The following CUBN variants were observed in gnomAD, a reference collection of about 807,000 sequenced individuals.
CUBN encodes the protein cubilin, also known as 460 kDa receptor.
A neutral mutation model predicts 405.3 loss-of-function variants in CUBN; 282 were observed. The observed-to-expected ratio is 0.70, with a 90% confidence interval of 0.63 to 0.77. CUBN has a LOEUF of 0.77. Among genes scored for constraint, CUBN ranks in the 30% least tolerant of loss-of-function variants. The pLI is 0.00. For missense variants in CUBN, 4,514 were observed against 4,475.2 expected, an observed-to-expected ratio of 1.01 and a Z score of -0.25; for synonymous variants, 1,684 against 1,617.0, an observed-to-expected ratio of 1.04 and a Z score of -0.99.
At chr10:16,967,824 AGAGAGAGAGAAGGAGAGACAGAGG>A (rs1843437277) in intron 31 of CUBN, among the ~76,000 whole-genome samples, 1 of 138,094 alleles carries the variant, frequency 7.2e-6, no homozygotes, top group African/African-American at 2.6e-5. Flanking sequence ...AGACAGAGGG[AGAGAGAGAGAAGGAGAGACAGAGG>A]GAGAGAGAGA....
chr10:17,024,076 T>A (rs879875257), intron 27 of CUBN, among the ~76,000 whole-genome samples: 1 of 151,120 alleles, frequency 6.6e-6, no homozygotes, highest in Non-Finnish European at 1.5e-5. Flanking sequence ...TCTACTTCCT[T>A]TGTGCGGGTT....
intron 28 of CUBN, among the ~76,000 whole-genome samples, chr10:16,998,979 A>C (rs1386835853): frequency 6.6e-6 from 1 of 152,224 alleles, no homozygotes; most frequent in African/African-American, 2.4e-5. Flanking sequence ...AATCCATTTT[A>C]TTCGACTAAT....
chr10:16,971,030 G>GA (rs1485032165), intron 31 of CUBN, among the ~76,000 whole-genome samples: 2 of 151,894 alleles, frequency 1.3e-5, no homozygotes, highest in African/African-American at 4.8e-5. Flanking sequence ...TAGAAGTTTT[G>GA]AAAAAACAGG....
chr10:16,862,113 C>T (rs1030859619), intron 59 of CUBN, among the ~76,000 whole-genome samples: 1 of 151,714 alleles, frequency 6.6e-6, no homozygotes, highest in Non-Finnish European at 1.5e-5. Context: ...CACGCCATTG[C>T]ACTCCAGCCT....
intron 28 of CUBN, among the ~76,000 whole-genome samples, chr10:17,014,488 G>T (rs1210534097): frequency 1.3e-5 from 2 of 152,086 alleles, no homozygotes; most frequent in Non-Finnish European, 2.9e-5. Flanking sequence ...TGATTCCAAG[G>T]AACCCCCACA....
At chr10:17,024,729 C>G (rs1190723984) in intron 27 of CUBN, among the ~76,000 whole-genome samples, 2 of 152,082 alleles carry the variant, frequency 1.3e-5, no homozygotes. Flanking sequence ...TGGTCTCGAA[C>G]TCCTGGGCTC....
chr10:16,873,278 AGT>A (rs765673041), intron 58 of CUBN, among the ~76,000 whole-genome samples: 14 of 152,250 alleles, frequency 9.2e-5, no homozygotes, highest in Non-Finnish European at 1.6e-4. Context: ...CATTCTGGAG[AGT>A]GGGAGGTTGC....
chr10:17,118,698 A>C (rs573313203), intron 6 of CUBN, among the ~76,000 whole-genome samples: 30 of 152,312 alleles, frequency 2.0e-4, no homozygotes, highest in African/African-American at 5.5e-4. Context: ...CGGCCTCCCA[A>C]AATGCTGGGA....
At chr10:16,918,284 G>A (rs1342456502) in intron 45 of CUBN, among the ~76,000 whole-genome samples, 1 of 151,988 alleles carries the variant, frequency 6.6e-6, no homozygotes, top group African/African-American at 2.4e-5. Context: ...GGTTCTTTTT[G>A]GGGTCCATAT....
intron 15 of CUBN, among the ~76,000 whole-genome samples, chr10:17,087,481 T>A (rs906858314): frequency 8.0e-6 from 1 of 125,480 alleles, no homozygotes; most frequent in African/African-American, 2.8e-5. Context: ...TCTTTTTTTT[T>A]TTTTTTTTTT....
intron 22 of CUBN, among the ~76,000 whole-genome samples, chr10:17,058,543 A>C (rs1432947940): frequency 6.6e-6 from 1 of 152,162 alleles, no homozygotes; most frequent in African/African-American, 2.4e-5. Context: ...CACGTATTAA[A>C]CAATAGGATA....
intron 28 of CUBN, among the ~76,000 whole-genome samples, chr10:17,010,564 C>T (rs779685409): frequency 6.6e-6 from 1 of 152,094 alleles, no homozygotes; most frequent in Non-Finnish European, 1.5e-5. Flanking sequence ...ACTTAAGCCT[C>T]AGAGCTCAAG....
At chr10:17,041,282 G>T (rs1835012505) in intron 26 of CUBN, 62 bp from the exon 27 acceptor site, 2 of 1,364,530 alleles carry the variant, frequency 1.5e-6, no homozygotes, top group Admixed American at 1.7e-5. Context: ...TCCAAGATGA[G>T]ATTTTCCTTT....
chr10:16,933,388 C>A, intron 39 of CUBN, 104 bp from the exon 40 acceptor site: 1 of 934,176 alleles, frequency 1.1e-6, no homozygotes, highest in Non-Finnish European at 1.7e-6. Context: ...AAGAAGCAAC[C>A]AATTGAAACA....
intron 66 of CUBN, among the ~76,000 whole-genome samples, chr10:16,827,773 G>T (rs1838829554): frequency 6.6e-6 from 1 of 152,168 alleles, no homozygotes; most frequent in Admixed American, 6.5e-5. Flanking sequence ...GCTAATTTTT[G>T]TATTTTTAGT....
intron 17 of CUBN, among the ~76,000 whole-genome samples, chr10:17,082,517 C>T (rs1835995701): frequency 6.6e-6 from 1 of 152,120 alleles, no homozygotes; most frequent in South Asian, 2.1e-4. Flanking sequence ...ACTGATAGTT[C>T]TTTAGAACCA....
At chr10:16,866,602 G>T (rs1348747496) in intron 59 of CUBN, among the ~76,000 whole-genome samples, 1 of 152,174 alleles carries the variant, frequency 6.6e-6, no homozygotes, top group Non-Finnish European at 1.5e-5. Context: ...TGCAAACTAT[G>T]AACTCGGTTA....
chr10:17,085,825 G>C (rs1329139290), intron 15 of CUBN, 66 bp from the exon 16 acceptor site: 19 of 1,369,176 alleles, frequency 1.4e-5, no homozygotes, highest in Admixed American at 3.5e-5. Flanking sequence ...GGTCACTTTG[G>C]ATATTAACTT....
chr10:17,112,760 T>A (rs921349150), intron 8 of CUBN, among the ~76,000 whole-genome samples: 1 of 151,832 alleles, frequency 6.6e-6, no homozygotes, highest in African/African-American at 2.4e-5. Context: ...TGTGTGGGGT[T>A]TCTTGGCGAG....
Sources: gnomAD v4.1 joint callset for allele counts (sites outside exome capture counted in the v4.1 genomes callset) on GRCh38, gnomAD v4.1.1 for gene constraint, MANE v1.5 for transcripts, NCBI Gene and HGNC (gene_info 2026-07-23, HGNC 2026-07-21) for gene names.